Variants in TAMM41 observed in about 807,000 individuals in gnomAD.
The protein encoded by TAMM41 is phosphatidate cytidylyltransferase, mitochondrial.
A neutral mutation model predicts 44.1 loss-of-function variants in TAMM41; 36 were observed. That is an observed-to-expected ratio of 0.82 (90% CI 0.63 to 1.08). The LOEUF (loss-of-function observed/expected upper bound fraction) is 1.08, where lower values mean the gene tolerates loss of function less well. Among genes scored for constraint, TAMM41 ranks in the 50% least tolerant of loss-of-function variants. TAMM41 has a pLI of 0.00. For missense variants in TAMM41, 417 were observed against 404.3 expected, an observed-to-expected ratio of 1.03 and a Z score of -0.27; for synonymous variants, 164 against 153.1, an observed-to-expected ratio of 1.07 and a Z score of -0.53.
At chr3:11,823,782 T>A (rs1202702199) in intron 4 of TAMM41, among the ~76,000 whole-genome samples, 1 of 147,910 alleles carries the variant, frequency 6.8e-6, no homozygotes, top group African/African-American at 2.5e-5. Flanking sequence ...TGCCTCAGCC[T>A]CCCTAGTAGC....
intron 5 of TAMM41, among the ~76,000 whole-genome samples, chr3:11,814,009 C>T (rs2078190720): frequency 6.6e-6 from 1 of 151,344 alleles, no homozygotes; most frequent in Non-Finnish European, 1.5e-5. Flanking sequence ...CACACACACA[C>T]ACACACACAC....
At chr3:11,813,900 G>GTA (rs1253613609) in intron 5 of TAMM41, among the ~76,000 whole-genome samples, 3 of 142,586 alleles carry the variant, frequency 2.1e-5, no homozygotes, top group Non-Finnish European at 4.5e-5. Flanking sequence ...GTGTATATAT[G>GTA]TATATATGTG....
chr3:11,808,027 G>A, intron 6 of TAMM41, 132 bp from the exon 7 acceptor site: 2 of 1,418,518 alleles, frequency 1.4e-6, no homozygotes, highest in East Asian at 2.5e-5. Context: ...TCTCTGTCCT[G>A]CTGTCACAGT....
In TAMM41 at chr3:11,815,303, G is replaced by A. The variant is rs866655293; in HGVS notation, c.708+1889C>T. On this transcript the variant is annotated intron_variant, in intron 5 of 7. Coordinates refer to ENST00000455809, the MANE Select transcript of TAMM41 (RefSeq NM_001284401.2). ...AATGAAGGGAAGGTGGAGGAGTGCG[G>A]CTGTGCAGTGAGCTAGAAAACAACC... Among the ~76,000 whole-genome samples the A allele has an allele frequency of 2.6e-5, 4 of 152,292 alleles. No homozygotes were observed. In the South Asian group the frequency reaches 8.3e-4, roughly 32 times the overall value.
intron 7 of TAMM41, among the ~76,000 whole-genome samples, chr3:11,795,644 T>C (rs1411426574): frequency 6.6e-6 from 1 of 152,170 alleles, no homozygotes; most frequent in African/African-American, 2.4e-5. Flanking sequence ...CTCCTTAACA[T>C]GGCTTTTAAA....
At chr3:11,764,176 T>G in the TAMM41 span, among the ~76,000 whole-genome samples, 2 of 151,988 alleles carry the variant, frequency 1.3e-5, no homozygotes, top group African/African-American at 4.8e-5. Flanking sequence ...GCTAATTTTT[T>G]GTAGAGACAG....
At chr3:11,809,110 G>A in intron 6 of TAMM41, 1 of 286,382 alleles carries the variant, frequency 3.5e-6, no homozygotes, top group Non-Finnish European at 6.6e-6. Context: ...ACTCAACAAT[G>A]TATGAGACAC....
chr3:11,772,366 C>A, the TAMM41 span, among the ~76,000 whole-genome samples: 1 of 151,974 alleles, frequency 6.6e-6, no homozygotes, highest in Non-Finnish European at 1.5e-5. Flanking sequence ...CAGGCGTGAG[C>A]CACCGTGCCC....
At chr3:11,797,484 C>T (rs9883634) in intron 7 of TAMM41, among the ~76,000 whole-genome samples, 2,173 of 152,260 alleles carry the variant, frequency 0.014, 65 homozygotes, top group African/African-American at 0.049. Context: ...ATACCATATA[C>T]AAAAATTAAG....
chr3:11,726,277 A>G, the TAMM41 span, among the ~76,000 whole-genome samples: 3 of 152,248 alleles, frequency 2.0e-5, no homozygotes, highest in African/African-American at 7.2e-5. Flanking sequence ...TGTGGGTTCT[A>G]GTTCACACTC....
At chr3:11,728,950 G>C in the TAMM41 span, among the ~76,000 whole-genome samples, 1 of 150,894 alleles carries the variant, frequency 6.6e-6, no homozygotes, top group Non-Finnish European at 1.5e-5. Flanking sequence ...GAAGGTTGCA[G>C]TGAGCCGAGA....
the TAMM41 span, among the ~76,000 whole-genome samples, chr3:11,733,653 G>A: frequency 1.8e-4 from 28 of 151,922 alleles, no homozygotes; most frequent in East Asian, 3.7e-3. Context: ...CCACCACACC[G>A]GGCTCATTTT....
chr3:11,768,443 C>T, the TAMM41 span, among the ~76,000 whole-genome samples: 1 of 152,138 alleles, frequency 6.6e-6, no homozygotes, highest in African/African-American at 2.4e-5. Flanking sequence ...CAGCCAAATC[C>T]TTTTTAAAGT....
chr3:11,846,410 G>C, intron 1 of TAMM41, 92 bp downstream of exon 1: 3 of 1,436,676 alleles, frequency 2.1e-6, no homozygotes, highest in Non-Finnish European at 2.9e-6. Context: ...TGTGCAGAGC[G>C]GACAGGCAGC....
At chr3:11,742,265 C>G in the TAMM41 span, among the ~76,000 whole-genome samples, 1 of 150,140 alleles carries the variant, frequency 6.7e-6, no homozygotes, top group Non-Finnish European at 1.5e-5. Flanking sequence ...ATCCCAGACC[C>G]CTGACGACCA....
the TAMM41 span, among the ~76,000 whole-genome samples, chr3:11,752,821 AT>A: frequency 6.6e-6 from 1 of 150,674 alleles, no homozygotes; most frequent in East Asian, 2.0e-4. Context: ...GTTAATTTTT[AT>A]TTTTTAATTT....
chr3:11,750,755 C>G, the TAMM41 span, among the ~76,000 whole-genome samples: 3 of 151,856 alleles, frequency 2.0e-5, no homozygotes, highest in African/African-American at 4.8e-5. Context: ...TCCAGTCTAT[C>G]CTCAACTCAC....
At chr3:11,786,339 C>T (rs1272164250), downstream of TAMM41, among the ~76,000 whole-genome samples, 1 of 147,244 alleles carries the variant, frequency 6.8e-6, no homozygotes, top group African/African-American at 2.5e-5. Flanking sequence ...GAATCTTGCT[C>T]TGTCACTTAG....
In TAMM41 at chr3:11,840,436, T is replaced by C. The variant is rs138918259; in HGVS notation, c.319-1122A>G. The stretch of plus-strand genomic sequence containing the variant: ...TTTTAGTACAGACAGGATTTCATCC[T>C]GTTGGCCAGGCTGGTCTCAAACTCC... On this transcript the variant is annotated intron_variant, in intron 2 of 7. Transcript: ENST00000455809. 1.3e-3 allele frequency among the ~76,000 whole-genome samples: 199 copies of C among 152,220 alleles called. 1 individual carries two copies. The highest frequency in any genetic ancestry group is 4.5e-3 in the African/African-American group (189 of 41,540).
Sources: allele counts gnomAD v4.1 joint callset (sites outside exome capture counted in the v4.1 genomes callset), GRCh38; gene constraint gnomAD v4.1.1; transcripts MANE v1.5; gene names NCBI Gene and HGNC (gene_info 2026-07-23, HGNC 2026-07-21).